MEP1A: variants seen among roughly 807,000 people sequenced by gnomAD.
The protein encoded by MEP1A is N-benzoyl-L-tyrosyl-P-amino-benzoic acid hydrolase subunit alpha.
A neutral mutation model predicts 84.5 loss-of-function variants in MEP1A; 68 were observed. That is an observed-to-expected ratio of 0.80 (90% CI 0.66 to 0.98). The LOEUF (loss-of-function observed/expected upper bound fraction) is 0.98. Ranked by LOEUF, MEP1A falls within the 50% of genes least tolerant of loss-of-function variation. MEP1A has a pLI of 0.00. For synonymous variants in MEP1A, 337 were observed against 336.8 expected (o/e 1.00, Z -0.01); for missense variants, 887 against 919.9 (o/e 0.96, Z 0.46).
At chr6:46,827,766 G>A (rs1581685038) in intron 9 of MEP1A, among the ~76,000 whole-genome samples, 1 of 152,208 alleles carries the variant, frequency 6.6e-6, no homozygotes, top group South Asian at 2.1e-4. Context: ...CTAAATTTCT[G>A]TTGTAGCCTC....
At chr6:46,818,578 G>A (rs933390239) in intron 6 of MEP1A, among the ~76,000 whole-genome samples, 2 of 152,168 alleles carry the variant, frequency 1.3e-5, no homozygotes, top group Admixed American at 6.5e-5. Flanking sequence ...GAATGAAAGA[G>A]GAAGACATTC....
chr6:46,839,488 G>T lies in MEP1A; in HGVS notation c.*352G>T, dbSNP rs571212403. 1 of 170,788 alleles carries T rather than the reference G, an allele frequency of 5.9e-6. No individual in the cohort carries two copies. Among genetic ancestry groups the T allele is most frequent in the East Asian group, 1.6e-4 (1 of 6,448 alleles). The allele number at this position is 170,788 out of a possible 1,614,324, so 10.6% of individuals were successfully genotyped here. ...TGCCTAGATGCATGGCTGGCACATT[G>T]TTGGCACTCAACAATGGTTGAATGA... On this transcript the variant is annotated 3_prime_UTR_variant, in exon 14 of 14. Transcript: ENST00000230588.
Position 46,807,770 on chromosome 6 carries a change from G to GGAAAGAAA in MEP1A, c.263-1588_263-1581dup, listed in dbSNP as rs545795578. Among the ~76,000 whole-genome samples the GGAAAGAAA allele has an allele frequency of 4.4e-3, 428 of 97,306 alleles. 4 individuals are homozygous for GGAAAGAAA. The highest frequency in any genetic ancestry group is 7.5e-3 in the Admixed American group (65 of 8,656). 63.8% of individuals were successfully genotyped at this position (97,306 alleles called of 152,430 possible). A position where few individuals can be genotyped will look rare whatever the true frequency, so the allele number is the denominator to read the frequency against. On this transcript the variant is annotated intron_variant, in intron 5 of 13. Coordinates refer to ENST00000230588, the MANE Select transcript of MEP1A (RefSeq NM_005588.3). The stretch of plus-strand genomic sequence containing the variant: ...GGAAAGGAAGGAAGGAAGGGAGAAA[G>GGAAAGAAA]GAAAGAAAGAAAGAAAGAAAGAAAG...
rs530711642 is a variant in MEP1A, at chr6:46,794,244, A to T, written c.145+528A>T. 1.8e-3 allele frequency among the ~76,000 whole-genome samples: 268 copies of T among 152,340 alleles called. 2 individuals carry two copies. The highest frequency in any genetic ancestry group is 3.2e-3 in the Non-Finnish European group (215 of 68,030). On this transcript the variant is annotated intron_variant, in intron 3 of 13. Coordinates refer to ENST00000230588, the MANE Select transcript of MEP1A (RefSeq NM_005588.3). The stretch of plus-strand genomic sequence containing the variant: ...ACTGAGAGGAGAGAGAAGCTGAGTC[A>T]TCATCTCTGTTTTCTCTCTGTTGTC...
Position 46,811,325 on chromosome 6 carries a change from C to T in MEP1A, c.380+1788C>T, listed in dbSNP as rs185199592. ...TGATTTGTGTAAATTAATTTTGTAT[C>T]CTGAAATTTTGTTGATTTTATTTAC... On this transcript the variant is annotated intron_variant, in intron 6 of 13. Coordinates refer to ENST00000230588, the MANE Select transcript of MEP1A (RefSeq NM_005588.3). Among the ~76,000 whole-genome samples the T allele has an allele frequency of 3.8e-3, 577 of 152,024 alleles. 10 individuals are homozygous for T. Among genetic ancestry groups the T allele is most frequent in the Middle Eastern group, 0.024 (7 of 294 alleles).
intron 9 of MEP1A, among the ~76,000 whole-genome samples, chr6:46,828,324 A>G (rs886871067): frequency 1.3e-5 from 2 of 152,080 alleles, no homozygotes; most frequent in African/African-American, 4.8e-5. Flanking sequence ...AGAAGATACA[A>G]GGGAATATAA....
At chr6:46,826,283 G>A (rs1391668537) in intron 8 of MEP1A, 71 bp from the exon 9 acceptor site, 3 of 1,401,724 alleles carry the variant, frequency 2.1e-6, no homozygotes, top group Middle Eastern at 3.7e-4. Context: ...AGGTTTTAGT[G>A]GCTTAAGACA....
rs56033423 is a variant in MEP1A, at chr6:46,830,247, T to TA, written c.1144+710dup. ...GCTGGTGACAGAGCAAGACTCCATC[T>TA]AAAAAAAAAAAAAAAAAAAAAAAAA... is the stretch of plus-strand genomic sequence containing the variant. On this transcript the variant is annotated intron_variant, in intron 10 of 13. Transcript: ENST00000230588. 4.0e-4 allele frequency among the ~76,000 whole-genome samples: 20 copies of TA among 50,106 alleles called. 1 individual carries two copies. The highest frequency in any genetic ancestry group is 1.1e-3 in the African/African-American group (13 of 12,160). 32.9% of individuals were successfully genotyped at this position (50,106 alleles called of 152,430 possible).
chr6:46,825,540 G>T (rs773894954), intron 8 of MEP1A, 47 bp downstream of exon 8: 3 of 1,266,318 alleles, frequency 2.4e-6, no homozygotes, highest in African/African-American at 1.5e-5. Context: ...CCTCAGCAGA[G>T]ATTCCATCAG....
At position 46,833,554 on chromosome 6, in the gene MEP1A, G is replaced by A. The variant is rs374115181; in HGVS notation, c.1609+16G>A. The A allele has an allele frequency of 1.4e-4, 229 of 1,598,426 alleles. No individual in the cohort carries two copies. The highest frequency in any genetic ancestry group is 1.8e-4 in the Non-Finnish European group (208 of 1,167,290). On this transcript the variant is annotated intron_variant, in intron 11 of 13. Coordinates refer to ENST00000230588, the MANE Select transcript of MEP1A (RefSeq NM_005588.3). ...ACATCTCCAGGTGGGTGGTGTCAGC[G>A]CAAATAAGAACTGCCCCTTGAACCA...
intron 13 of MEP1A, among the ~76,000 whole-genome samples, chr6:46,836,831 A>G (rs368235343): frequency 6.9e-6 from 1 of 145,032 alleles, no homozygotes; most frequent in Non-Finnish European, 1.5e-5. Flanking sequence ...TTCTTACATG[A>G]TTAGATTGAA....
At chr6:46,824,086 C>G (rs968656442) in intron 7 of MEP1A, among the ~76,000 whole-genome samples, 2 of 152,094 alleles carry the variant, frequency 1.3e-5, no homozygotes, top group African/African-American at 4.8e-5. Flanking sequence ...AAGAGTAGGC[C>G]AGGTACAGCT....
In MEP1A at chr6:46,839,224, T is replaced by C; in HGVS notation, c.*88T>C. On this transcript the variant is annotated 3_prime_UTR_variant, in exon 14 of 14. Coordinates refer to ENST00000230588, the MANE Select transcript of MEP1A (RefSeq NM_005588.3). ...ATGGTCAATGCAGTTTTTATCAGCC[T>C]TGCTTTGGATAGGACCTCCAAGGAC... 1 of 980,420 alleles carries C rather than the reference T, an allele frequency of 1.0e-6. No individual in the cohort carries two copies. Among genetic ancestry groups the C allele is most frequent in the Non-Finnish European group, 1.5e-6 (1 of 666,422 alleles). 60.7% of individuals were successfully genotyped at this position (980,420 alleles called of 1,614,324 possible).
chr6:46,807,170 A>C (rs923443801), intron 5 of MEP1A, among the ~76,000 whole-genome samples: 1 of 151,806 alleles, frequency 6.6e-6, no homozygotes, highest in African/African-American at 2.4e-5. Context: ...TCTTCTCAAA[A>C]GAAAAAAAAA....
chr6:46,845,623 GTCT>G, the MEP1A span, among the ~76,000 whole-genome samples: 2 of 152,304 alleles, frequency 1.3e-5, no homozygotes, highest in South Asian at 4.2e-4. Context: ...AAAAGGGTTG[GTCT>G]TCTTTTTAAA....
chr6:46,814,415 T>C (rs555024445), intron 6 of MEP1A, among the ~76,000 whole-genome samples: 1 of 152,266 alleles, frequency 6.6e-6, no homozygotes, highest in Non-Finnish European at 1.5e-5. Flanking sequence ...TTTTTATTTA[T>C]GCTATCTATT....
rs1410625031 is a variant in MEP1A at position 46,826,420 on chromosome 6, G to A, written c.845G>A (p.Gly282Asp). The change falls in exon 9 of 14, where the codon GGC (glycine) becomes GAC (aspartate). Residue 282 changes from glycine (G) to aspartate (D), a missense_variant. Physicochemically the swap from Gly to Asp is moderately conservative, Grantham distance 94. Transcript: ENST00000230588. ...GCAAACATCTGTGGAATGATTCAGG[G>A]CACCAGAGATGACACTGACTGGGCC... is the stretch of plus-strand genomic sequence containing the variant. ...EKANICGMIQ[G>D]TRDDTDWAHQ... 6.2e-7 allele frequency: 1 copy of A among 1,609,946 alleles called. No homozygotes were observed. Among genetic ancestry groups the A allele is most frequent in the Non-Finnish European group, 8.5e-7 (1 of 1,178,034 alleles).
At chr6:46,806,224 T>C (rs1323180310) in intron 5 of MEP1A, among the ~76,000 whole-genome samples, 1 of 152,074 alleles carries the variant, frequency 6.6e-6, no homozygotes, top group Non-Finnish European at 1.5e-5. Context: ...CTTTTACTAA[T>C]ATCTATCAAT....
At position 46,825,032 on chromosome 6, in the gene MEP1A, G is replaced by A. The variant is rs556420889; in HGVS notation, c.557-240G>A. On this transcript the variant is annotated intron_variant, in intron 7 of 13. Coordinates refer to ENST00000230588, the MANE Select transcript of MEP1A (RefSeq NM_005588.3). ...TATATATAAATTATATATTTAAATA[G>A]ATCTATTTAAATATTTATAAATTAT... Among the ~76,000 whole-genome samples, 74 of 72,082 alleles carry A rather than the reference G, an allele frequency of 1.0e-3. 2 individuals are homozygous for A. The highest frequency in any genetic ancestry group is 1.6e-3 in the Admixed American group (11 of 6,686). 47.3% of individuals were successfully genotyped at this position (72,082 alleles called of 152,430 possible).
Sources: gnomAD v4.1 joint callset for allele counts (sites outside exome capture counted in the v4.1 genomes callset) on GRCh38, gnomAD v4.1.1 for gene constraint, MANE v1.5 for transcripts, NCBI Gene and HGNC (gene_info 2026-07-23, HGNC 2026-07-21) for gene names.